SYNPR: variants seen among roughly 807,000 people sequenced by gnomAD.
SYNPR encodes the protein synaptoporin.
In SYNPR, 23 loss-of-function variants were observed where a neutral mutation model predicts 32.9. That is an observed-to-expected ratio of 0.70 (90% CI 0.50 to 0.99). The LOEUF is 0.99. Ranked by LOEUF, SYNPR falls within the 50% of genes least tolerant of loss-of-function variation. SYNPR has a pLI of 0.00. For missense variants in SYNPR, 318 were observed against 349.3 expected (o/e 0.91, Z 0.71); for synonymous variants, 146 against 135.9 (o/e 1.07, Z -0.52).
intron 2 of SYNPR, among the ~76,000 whole-genome samples, chr3:63,454,477 C>T (rs1433875765): frequency 2.6e-5 from 4 of 152,074 alleles, no homozygotes; most frequent in East Asian, 3.9e-4. Context: ...CAAAATCATT[C>T]GTTATTTTAT....
chr3:63,247,920 G>A (rs887613346), intron 1 of SYNPR, among the ~76,000 whole-genome samples: 1 of 152,114 alleles, frequency 6.6e-6, no homozygotes, highest in African/African-American at 2.4e-5. Flanking sequence ...CAGAGAATCA[G>A]GAACCCAGGT....
intron 2 of SYNPR, among the ~76,000 whole-genome samples, chr3:63,390,694 C>A (rs898271945): frequency 1.3e-5 from 2 of 152,214 alleles, no homozygotes; most frequent in Non-Finnish European, 2.9e-5. Context: ...TCCAGGCTAA[C>A]CGATTATTTT....
At position 63,278,568 on chromosome 3, in the gene SYNPR, C is replaced by G; in HGVS notation, c.18+17C>G. 2 of 1,550,972 alleles carry G rather than the reference C, an allele frequency of 1.3e-6. No individual in the cohort carries two copies. The highest frequency in any genetic ancestry group is 1.7e-6 in the Non-Finnish European group (2 of 1,146,468). ...GTGAGTCAGGTGAGACAGAACTGGGCAGGGCGGCTGGCTGGGAGCAGGGGG... is the reference window on the plus strand; with the variant it reads ...GTGAGTCAGGTGAGACAGAACTGGGGAGGGCGGCTGGCTGGGAGCAGGGGG... On this transcript the variant is annotated intron_variant, in intron 1 of 5. Coordinates refer to ENST00000478300, the MANE Select transcript of SYNPR (RefSeq NM_001130003.2).
intron 3 of SYNPR, among the ~76,000 whole-genome samples, chr3:63,538,612 G>T (rs1364710152): frequency 1.3e-5 from 2 of 151,964 alleles, no homozygotes; most frequent in African/African-American, 2.4e-5. Flanking sequence ...CCCACATGAG[G>T]CCTTAATAAG....
At position 63,368,469 on chromosome 3, in the gene SYNPR, G is replaced by A. The variant is rs77601088; in HGVS notation, c.84+89727G>A. ...TGGATGTAAAAGACCCAAGTTCTGA[G>A]GCAATTCAAGTCTGGAGATGTCACT... On this transcript the variant is annotated intron_variant, in intron 2 of 5. Coordinates refer to ENST00000478300, the MANE Select transcript of SYNPR (RefSeq NM_001130003.2). 5.0e-3 allele frequency among the ~76,000 whole-genome samples: 762 copies of A among 152,248 alleles called. 10 individuals carry two copies. In the East Asian group the frequency reaches 0.052, roughly 10 times the overall value.
In SYNPR at chr3:63,351,721, A is replaced by G. The variant is rs1466474848; in HGVS notation, c.84+72979A>G. 6.6e-5 allele frequency: 10 copies of G among 152,182 alleles called. No individual in the cohort carries two copies. In the East Asian group the frequency reaches 1.9e-3, roughly 29 times the overall value. 9.4% of individuals were successfully genotyped at this position (152,182 alleles called of 1,614,324 possible). On this transcript the variant is annotated intron_variant, in intron 2 of 5. Coordinates refer to ENST00000478300, the MANE Select transcript of SYNPR (RefSeq NM_001130003.2). ...TAAGATTTATAGATTTCATTTACTGAATAATATTTGCTAAGAACCTGCCTG... is the reference window on the plus strand; with the variant it reads ...TAAGATTTATAGATTTCATTTACTGGATAATATTTGCTAAGAACCTGCCTG...
At chr3:63,389,310 G>A (rs1213796090) in intron 2 of SYNPR, among the ~76,000 whole-genome samples, 3 of 152,144 alleles carry the variant, frequency 2.0e-5, no homozygotes, top group African/African-American at 7.2e-5. Context: ...GTGCAAAAAA[G>A]TGGGGAAAGA....
chr3:63,575,160 G>C (rs1318027613), intron 4 of SYNPR, among the ~76,000 whole-genome samples: 3 of 152,122 alleles, frequency 2.0e-5, no homozygotes, highest in African/African-American at 7.2e-5. Flanking sequence ...TAGATGTATA[G>C]CAGAGTTAAC....
chr3:63,220,491 G>A, the SYNPR span, among the ~76,000 whole-genome samples: 2 of 152,094 alleles, frequency 1.3e-5, no homozygotes, highest in Non-Finnish European at 2.9e-5. Context: ...TTTGCCAGCT[G>A]CTCCCTGTTA....
rs574954158 is a variant in SYNPR at position 63,611,001 on chromosome 3, T to C, written c.600+1685T>C. 3.9e-5 allele frequency among the ~76,000 whole-genome samples: 6 copies of C among 152,328 alleles called. No homozygotes were observed. The South Asian group carries it at 1.2e-3, about 32-fold the overall frequency. ...GATGTATCCATATCAGTTAACAGTC[T>C]TCTAGTTCCTAGTGACAGAAAACTC... On this transcript the variant is annotated intron_variant, in intron 5 of 5. Transcript: ENST00000478300.
At chr3:63,326,790 C>G (rs1477849293) in intron 2 of SYNPR, among the ~76,000 whole-genome samples, 5 of 152,042 alleles carry the variant, frequency 3.3e-5, no homozygotes, top group Non-Finnish European at 4.4e-5. Flanking sequence ...AGCCAAGTTC[C>G]TGGTAAGAAT....
intron 2 of SYNPR, among the ~76,000 whole-genome samples, chr3:63,469,318 T>C (rs971665145): frequency 1.1e-4 from 17 of 152,142 alleles, no homozygotes; most frequent in African/African-American, 4.1e-4. Flanking sequence ...ATCCGATGCA[T>C]GCTATTTAAC....
intron 3 of SYNPR, among the ~76,000 whole-genome samples, chr3:63,542,802 C>A (rs1391818406): frequency 6.6e-6 from 1 of 151,962 alleles, no homozygotes; most frequent in Non-Finnish European, 1.5e-5. Context: ...TCAGTAAATA[C>A]CTGCTAAGTG....
intron 2 of SYNPR, among the ~76,000 whole-genome samples, chr3:63,460,477 C>G (rs544819178): frequency 6.7e-6 from 1 of 148,934 alleles, no homozygotes; most frequent in African/African-American, 2.5e-5. Flanking sequence ...GCCAGAAAGC[C>G]TCTTTGGTTT....
intron 2 of SYNPR, among the ~76,000 whole-genome samples, chr3:63,336,294 T>G (rs958654401): frequency 1.3e-5 from 2 of 151,634 alleles, no homozygotes; most frequent in Non-Finnish European, 2.9e-5. Flanking sequence ...AGGGAAGAGA[T>G]TATGCAATGC....
At chr3:63,505,189 A>T (rs1701564513) in intron 3 of SYNPR, among the ~76,000 whole-genome samples, 2 of 152,314 alleles carry the variant, frequency 1.3e-5, no homozygotes, top group South Asian at 4.1e-4. Context: ...ATAAATGACA[A>T]AACCAAGGCC....
intron 4 of SYNPR, among the ~76,000 whole-genome samples, chr3:63,573,973 G>A (rs1702935691): frequency 6.6e-6 from 1 of 152,146 alleles, no homozygotes; most frequent in African/African-American, 2.4e-5. Context: ...GAATGTCAGG[G>A]CTTCTTTTCC....
intron 2 of SYNPR, among the ~76,000 whole-genome samples, chr3:63,435,240 T>C (rs369116679): frequency 6.6e-6 from 1 of 152,342 alleles, no homozygotes; most frequent in East Asian, 1.9e-4. Context: ...TTTGGCAACT[T>C]ACTGAACCGC....
chr3:63,356,824 G>A (rs1480627326), intron 2 of SYNPR, among the ~76,000 whole-genome samples: 1 of 152,184 alleles, frequency 6.6e-6, no homozygotes, highest in African/African-American at 2.4e-5. Flanking sequence ...TTTTCTCAAC[G>A]ATGAAGGCAA....
Sources: gnomAD v4.1 joint callset for allele counts (sites outside exome capture counted in the v4.1 genomes callset) on GRCh38, gnomAD v4.1.1 for gene constraint, MANE v1.5 for transcripts, NCBI Gene and HGNC (gene_info 2026-07-23, HGNC 2026-07-21) for gene names.